ZNF415: variants seen among roughly 807,000 people sequenced by gnomAD.
ZNF415 encodes the protein zinc finger protein 415.
A neutral mutation model predicts 7.3 loss-of-function variants in ZNF415; 5 were observed. That is an observed-to-expected ratio of 0.69 (90% CI 0.36 to 1.44). The LOEUF is 1.44. Ranked by LOEUF, ZNF415 falls within the 40% of genes most tolerant of loss-of-function variation. ZNF415 has a pLI of 0.04. For synonymous variants in ZNF415, 207 were observed against 226.3 expected (o/e 0.91, Z 0.77); for missense variants, 628 against 664.8 (o/e 0.94, Z 0.61).
At chr19:53,128,192 C>A (rs540970065) in intron 1 of ZNF415, among the ~76,000 whole-genome samples, 77 of 152,176 alleles carry the variant, frequency 5.1e-4, no homozygotes, top group Non-Finnish European at 7.5e-4. Context: ...GGCAAAAGGG[C>A]CTCTGGACAA....
At chr19:53,120,217 T>C (rs184789831) in intron 2 of ZNF415, among the ~76,000 whole-genome samples, 1 of 152,300 alleles carries the variant, frequency 6.6e-6, no homozygotes, top group African/African-American at 2.4e-5. Context: ...TCAAATACCA[T>C]TACTTGATCA....
chr19:53,115,329 C>G (rs2086851399), intron 3 of ZNF415: 1 of 194,926 alleles, frequency 5.1e-6, no homozygotes, highest in Admixed American at 5.5e-5. Context: ...GAGCGAAACT[C>G]CATCTCAAAA....
At position 53,108,884 on chromosome 19, in the gene ZNF415, A is replaced by G; in HGVS notation, c.1161T>C (p.Asn387=). ...TCTGACTGAAGACTTTACCACATTC[A>G]TTACACTTGTATGGTTTCTCCCCAG... is the stretch of plus-strand genomic sequence containing the variant. ...IHTGEKPYKC[N]ECGKVFSQTS... is the part of the protein sequence containing the mutation. The change falls in exon 4 of 4, where the codon AAT becomes AAC. Residue 387 remains asparagine (N), a synonymous_variant. Transcript: ENST00000243643. 6.2e-7 allele frequency: 1 copy of G among 1,614,066 alleles called. No homozygotes were observed. The highest frequency in any genetic ancestry group is 1.1e-5 in the South Asian group (1 of 91,066).
intron 3 of ZNF415, chr19:53,116,110 C>T (rs931544765): frequency 4.6e-6 from 3 of 647,862 alleles, no homozygotes; most frequent in African/African-American, 3.6e-5. Context: ...TCTGGAACCA[C>T]CACTGTTGTA....
Position 53,109,517 on chromosome 19 carries a change from T to G in ZNF415, c.528A>C (p.Ser176=), listed in dbSNP as rs756574051. Residue 176 remains serine, a synonymous_variant, in exon 4 of 4, where the codon TCA becomes TCC. Coordinates refer to ENST00000243643, the MANE Select transcript of ZNF415 (RefSeq NM_018355.4). ...EKSVNHGSSV[S]PPQIISSTIK... is the part of the protein sequence containing the mutation. ...TGGTAGAAGAAATTATTTGGGGTGG[T>G]GAAACTGAGGAACCATGGTTGACAG... 6 of 1,614,040 alleles carry G rather than the reference T, an allele frequency of 3.7e-6. No individual in the cohort carries two copies. Among genetic ancestry groups the G allele is most frequent in the Non-Finnish European group, 5.1e-6 (6 of 1,179,960 alleles).
chr19:53,119,092 A>G (rs2087523744), intron 2 of ZNF415, among the ~76,000 whole-genome samples: 1 of 152,122 alleles, frequency 6.6e-6, no homozygotes, highest in Non-Finnish European at 1.5e-5. Context: ...CATCCTGGCT[A>G]ACATGGTGAA....
rs148341894 is a variant in ZNF415 at position 53,108,405 on chromosome 19, G to C, written c.1640C>G (p.Thr547Ser). 7 of 1,613,620 alleles carry C rather than the reference G, an allele frequency of 4.3e-6. No homozygotes were observed. The African/African-American group carries it at 9.3e-5, about 22-fold the overall frequency. ...ATTTCTTTTATAAGGTTTCTCCTTA[G>C]TATGGATAATTTGATGTCTGAAGAG... ...PNLFRHQIIH[T>S]KEKPYKRN The change falls in exon 4 of 4, where the codon ACT becomes AGT. Residue 547 changes from threonine to serine, a missense_variant. Thr to Ser is a moderately conservative substitution (Grantham distance 58, BLOSUM62 1). Coordinates refer to ENST00000243643, the MANE Select transcript of ZNF415 (RefSeq NM_018355.4).
intron 2 of ZNF415, among the ~76,000 whole-genome samples, chr19:53,122,010 G>A (rs1403722803): frequency 6.6e-6 from 1 of 151,908 alleles, no homozygotes; most frequent in Admixed American, 6.6e-5. Context: ...ACTTTGGGAA[G>A]CCGAGGTGGG....
chr19:53,132,547 C>G (rs955740943), intron 1 of ZNF415, among the ~76,000 whole-genome samples: 1 of 152,082 alleles, frequency 6.6e-6, no homozygotes, highest in African/African-American at 2.4e-5. Context: ...CAGGGGCCGA[C>G]GAGGGCAAGG....
intron 2 of ZNF415, 33 bp downstream of exon 2, chr19:53,122,628 GA>G: frequency 6.2e-7 from 1 of 1,613,808 alleles, no homozygotes; most frequent in Non-Finnish European, 8.5e-7. Flanking sequence ...TGAAAAGAGG[GA>G]GACAGAATGA....
chr19:53,113,915 A>G (rs958548366), intron 3 of ZNF415, among the ~76,000 whole-genome samples: 1 of 152,220 alleles, frequency 6.6e-6, no homozygotes, highest in Non-Finnish European at 1.5e-5. Flanking sequence ...ACATCTGGAC[A>G]CACTTGTCAG....
chr19:53,130,254 G>C (rs2089887235), intron 1 of ZNF415, among the ~76,000 whole-genome samples: 1 of 151,960 alleles, frequency 6.6e-6, no homozygotes, highest in African/African-American at 2.4e-5. Flanking sequence ...TCCATGTTAA[G>C]GTAAAAACAT....
chr19:53,113,120 T>C (rs7252862), intron 3 of ZNF415, among the ~76,000 whole-genome samples: 18,780 of 147,152 alleles, frequency 0.13, 1,782 homozygotes, highest in African/African-American at 0.27. Flanking sequence ...AAATACAGAA[T>C]TTACGACTAA....
At chr19:53,132,612 CG>C (rs1160746793) in intron 1 of ZNF415, 1 of 150,784 alleles carries the variant, frequency 6.6e-6, no homozygotes, top group Non-Finnish European at 1.5e-5. Flanking sequence ...TTAAAAAGCC[CG>C]GGGATGGGGG....
Position 53,108,300 on chromosome 19 carries a change from T to A in ZNF415, c.*77A>T. On this transcript the variant is annotated 3_prime_UTR_variant, in exon 4 of 4. Coordinates refer to ENST00000243643, the MANE Select transcript of ZNF415 (RefSeq NM_018355.4). ...ACTGAAAACCTTGCCACATTTATTATACTTGTATGGTTTCTCTCTGATATA... is the reference window on the plus strand; with the variant it reads ...ACTGAAAACCTTGCCACATTTATTAAACTTGTATGGTTTCTCTCTGATATA... The A allele has an allele frequency of 2.2e-6, 3 of 1,386,680 alleles. No individual in the cohort carries two copies. In the South Asian group the frequency reaches 4.2e-5, roughly 20 times the overall value. 85.9% of individuals were successfully genotyped at this position (1,386,680 alleles called of 1,614,324 possible). A position where few individuals can be genotyped will look rare whatever the true frequency, so the allele number is the denominator to read the frequency against.
In ZNF415 at chr19:53,108,840, T is replaced by A; in HGVS notation, c.1205A>T (p.His402Leu). 6.2e-7 allele frequency: 1 copy of A among 1,614,180 alleles called. No homozygotes were observed. The highest frequency in any genetic ancestry group is 1.7e-5 in the Admixed American group (1 of 60,020). Residue 402 changes from histidine (H) to leucine (L), a missense_variant, in exon 4 of 4, where the codon CAT becomes CTT. Transcript: ENST00000243643. The part of the protein sequence containing the change: ...VFSQTSSLAR[H>L]WRIHTGEKPY... ...TTTCTCTCCAGTATGAATTCTCCAA[T>A]GCCTTGCAAGGCTTGAAGTCTGACT...
chr19:53,115,987 T>C (rs2086955897), intron 3 of ZNF415: 1 of 632,134 alleles, frequency 1.6e-6, no homozygotes, highest in African/African-American at 1.8e-5. Context: ...GGGAAGACTG[T>C]AATATGCAAA....
intron 2 of ZNF415, among the ~76,000 whole-genome samples, chr19:53,117,506 T>G (rs1265318691): frequency 1.3e-5 from 2 of 150,984 alleles, no homozygotes; most frequent in African/African-American, 4.9e-5. Context: ...TCTAGTCACT[T>G]ATAAAGGGTG....
intron 1 of ZNF415, among the ~76,000 whole-genome samples, chr19:53,131,254 C>T (rs530819452): frequency 6.6e-6 from 1 of 151,960 alleles, no homozygotes; most frequent in East Asian, 1.9e-4. Flanking sequence ...TCTCCCACTC[C>T]CCCTTCCCCT....
Sources: allele counts gnomAD v4.1 joint callset (sites outside exome capture counted in the v4.1 genomes callset), GRCh38; gene constraint gnomAD v4.1.1; transcripts MANE v1.5; gene names NCBI Gene and HGNC (gene_info 2026-07-23, HGNC 2026-07-21).